XKR4: variants seen among roughly 807,000 people sequenced by gnomAD.
XKR4 encodes the protein XK-related protein 4.
XKR4 carries 12 observed loss-of-function variants against 53.9 expected under a neutral mutation model. The observed-to-expected ratio is 0.22, with a 90% confidence interval of 0.14 to 0.36. The LOEUF (loss-of-function observed/expected upper bound fraction) is 0.36, where lower values mean the gene tolerates loss of function less well. Ranked by LOEUF, XKR4 falls within the 10% of genes least tolerant of loss-of-function variation. XKR4 has a pLI of 1.00. For missense variants in XKR4, 799 were observed against 859.5 expected, an observed-to-expected ratio of 0.93 and a Z score of 0.88; for synonymous variants, 354 against 362.4, an observed-to-expected ratio of 0.98 and a Z score of 0.26.
At chr8:55,438,078 T>C (rs2975997) in intron 2 of XKR4, among the ~76,000 whole-genome samples, 109,806 of 152,022 alleles carry the variant, frequency 0.72, 40,739 homozygotes, top group African/African-American at 0.91. Flanking sequence ...CAGCCAGAGT[T>C]CCTGTAAGAG....
intron 2 of XKR4, among the ~76,000 whole-genome samples, chr8:55,411,729 T>G (rs761795168): frequency 1.3e-5 from 2 of 152,098 alleles, no homozygotes; most frequent in Admixed American, 6.5e-5. Context: ...TGCAGTGGAA[T>G]TCGCGAGAGT....
At position 55,454,231 on chromosome 8, in the gene XKR4, C is replaced by T. The variant is rs1805515043; in HGVS notation, c.1007-69050C>T. The T allele has an allele frequency of 2.6e-6, 3 of 1,132,270 alleles. No individual in the cohort carries two copies. The South Asian group carries it at 3.7e-5, about 14-fold the overall frequency. 70.1% of individuals were successfully genotyped at this position (1,132,270 alleles called of 1,614,324 possible). On this transcript the variant is annotated intron_variant, in intron 2 of 2. Coordinates refer to ENST00000327381, the MANE Select transcript of XKR4 (RefSeq NM_052898.2). ...GAATGTGCACACACTCAGGGATGGT[C>T]ACCGTCTCTCCATCCAGATCAGCTA...
chr8:55,390,043 C>A (rs1295623919), intron 2 of XKR4, among the ~76,000 whole-genome samples: 1 of 152,180 alleles, frequency 6.6e-6, no homozygotes, highest in Non-Finnish European at 1.5e-5. Flanking sequence ...CGGGAAAAAA[C>A]AAACTTTAAC....
chr8:55,171,054 A>G (rs1817149828), intron 1 of XKR4, among the ~76,000 whole-genome samples: 1 of 152,340 alleles, frequency 6.6e-6, no homozygotes, highest in Non-Finnish European at 1.5e-5. Flanking sequence ...GGAATAGCCA[A>G]TATACTTACT....
chr8:55,502,712 TTTAC>T (rs1181828266), intron 2 of XKR4, among the ~76,000 whole-genome samples: 1 of 152,196 alleles, frequency 6.6e-6, no homozygotes, highest in African/African-American at 2.4e-5. Flanking sequence ...TGTACAAAGA[TTTAC>T]ATTTTGATGA....
In XKR4 at chr8:55,524,553, G is replaced by A. The variant is rs1322152085; in HGVS notation, c.*326G>A. The A allele has an allele frequency of 9.8e-6, 3 of 305,978 alleles. No homozygotes were observed. The South Asian group carries it at 1.9e-4, about 19-fold the overall frequency. 19.0% of individuals were successfully genotyped at this position (305,978 alleles called of 1,614,324 possible). ...AAAAATTTTGCCTCCAATCATTAGG[G>A]TGTCTTGATGGCGTTAACTGATCTT... On this transcript the variant is annotated 3_prime_UTR_variant, in exon 3 of 3. Transcript: ENST00000327381.
chr8:55,313,105 G>A (rs1349563077), intron 1 of XKR4, among the ~76,000 whole-genome samples: 1 of 152,002 alleles, frequency 6.6e-6, no homozygotes, highest in African/African-American at 2.4e-5. Context: ...AATTCCCTTG[G>A]TGGATAGAAA....
At chr8:55,441,233 C>A (rs2658930) in intron 2 of XKR4, among the ~76,000 whole-genome samples, 84,220 of 149,618 alleles carry the variant, frequency 0.56, 24,905 homozygotes, top group African/African-American at 0.76. Flanking sequence ...GGGTAAGACC[C>A]TGTCTCAAGA....
chr8:55,467,640 T>A (rs1333458038), intron 2 of XKR4, among the ~76,000 whole-genome samples: 1 of 152,180 alleles, frequency 6.6e-6, no homozygotes, highest in African/African-American at 2.4e-5. Flanking sequence ...TCCCCAACAC[T>A]GGGTATTATC....
At chr8:55,144,500 C>A (rs2129354630) in intron 1 of XKR4, among the ~76,000 whole-genome samples, 1 of 152,202 alleles carries the variant, frequency 6.6e-6, no homozygotes, top group Non-Finnish European at 1.5e-5. Flanking sequence ...GCAACCGTTG[C>A]CATGATGGAT....
At chr8:55,342,330 T>A (rs1105334) in intron 1 of XKR4, among the ~76,000 whole-genome samples, 1 of 151,952 alleles carries the variant, frequency 6.6e-6, no homozygotes, top group African/African-American at 2.4e-5. Context: ...CTAACAACCA[T>A]CATCACTTGC....
At chr8:55,404,351 C>T (rs1196593290) in intron 2 of XKR4, among the ~76,000 whole-genome samples, 1 of 152,158 alleles carries the variant, frequency 6.6e-6, no homozygotes, top group Non-Finnish European at 1.5e-5. Context: ...AATATTAGAG[C>T]ACAATCCCTT....
intron 1 of XKR4, among the ~76,000 whole-genome samples, chr8:55,240,379 A>T (rs942483953): frequency 4.6e-5 from 7 of 152,162 alleles, no homozygotes; most frequent in East Asian, 1.9e-4. Context: ...ATGTGTTTTT[A>T]AAAAAATACA....
rs562717869 is a variant in XKR4, at chr8:55,163,671, C to A, written c.806+60377C>A. 2.6e-3 allele frequency among the ~76,000 whole-genome samples: 391 copies of A among 152,200 alleles called. 1 individual carries two copies. Among genetic ancestry groups the A allele is most frequent in the Non-Finnish European group, 3.6e-3 (242 of 68,030 alleles). ...GACCAGACTGGCCAACATGATGAAA[C>A]CCTGTCTCTACAAAAATACAAAAAT... On this transcript the variant is annotated intron_variant, in intron 1 of 2. Coordinates refer to ENST00000327381, the MANE Select transcript of XKR4 (RefSeq NM_052898.2).
At chr8:55,460,540 G>C (rs936175160) in intron 2 of XKR4, among the ~76,000 whole-genome samples, 1 of 152,218 alleles carries the variant, frequency 6.6e-6, no homozygotes, top group Non-Finnish European at 1.5e-5. Flanking sequence ...TCAGTCTACA[G>C]CTCCCAGCAT....
chr8:55,489,570 T>C (rs1806242774), intron 2 of XKR4, among the ~76,000 whole-genome samples: 1 of 152,136 alleles, frequency 6.6e-6, no homozygotes, highest in African/African-American at 2.4e-5. Context: ...GTTACCCTCT[T>C]AGACCTCAGT....
chr8:55,284,190 T>C (rs1250014402), intron 1 of XKR4, among the ~76,000 whole-genome samples: 1 of 152,240 alleles, frequency 6.6e-6, no homozygotes, highest in Non-Finnish European at 1.5e-5. Context: ...TTATTTCTTA[T>C]GTGAGAAAAT....
At chr8:55,218,672 T>C (rs1817837388) in intron 1 of XKR4, among the ~76,000 whole-genome samples, 1 of 152,244 alleles carries the variant, frequency 6.6e-6, no homozygotes, top group South Asian at 2.1e-4. Flanking sequence ...CCTTATGATA[T>C]AAACTTTCAT....
At chr8:55,372,490 T>C (rs942276244) in intron 2 of XKR4, among the ~76,000 whole-genome samples, 2 of 151,664 alleles carry the variant, frequency 1.3e-5, no homozygotes, top group Non-Finnish European at 2.9e-5. Context: ...GAAAGACGGG[T>C]AAGGTCAACT....
Sources: gnomAD v4.1 joint callset for allele counts (sites outside exome capture counted in the v4.1 genomes callset) on GRCh38, gnomAD v4.1.1 for gene constraint, MANE v1.5 for transcripts, NCBI Gene and HGNC (gene_info 2026-07-23, HGNC 2026-07-21) for gene names.